GALNT9: variants seen among roughly 807,000 people sequenced by gnomAD.
GALNT9 encodes polypeptide N-acetylgalactosaminyltransferase 9, also known as GalNAc transferase 9.
GALNT9 carries 47 observed loss-of-function variants against 63.1 expected under a neutral mutation model. That is an observed-to-expected ratio of 0.75 (90% confidence interval 0.59 to 0.95). The LOEUF (loss-of-function observed/expected upper bound fraction) is 0.95. Ranked by LOEUF, GALNT9 falls within the 40% of genes least tolerant of loss-of-function variation. The pLI is 0.00. For synonymous variants in GALNT9, 396 were observed against 365.7 expected, an observed-to-expected ratio of 1.08 and a Z score of -0.94; for missense variants, 829 against 874.8, an observed-to-expected ratio of 0.95 and a Z score of 0.66.
chr12:132,201,075 A>G, intron 8 of GALNT9, 49 bp downstream of exon 8: 3 of 1,578,816 alleles, frequency 1.9e-6, no homozygotes, highest in Non-Finnish European at 2.6e-6. Context: ...TGCAGGAGTC[A>G]GGGCAGAAAG....
At chr12:132,226,004 C>T (rs1243697351) in intron 6 of GALNT9, among the ~76,000 whole-genome samples, 127 of 144,700 alleles carry the variant, frequency 8.8e-4, no homozygotes, top group African/African-American at 3.1e-3. Context: ...ACCCCACACA[C>T]CCCACATTGT....
At chr12:132,306,040 A>G (rs1354841246) in intron 1 of GALNT9, among the ~76,000 whole-genome samples, 2 of 152,140 alleles carry the variant, frequency 1.3e-5, no homozygotes, top group African/African-American at 4.8e-5. Context: ...GACTCAAGAC[A>G]GTGGCTCCCG....
At chr12:132,314,326 A>G (rs1868405177) in intron 1 of GALNT9, among the ~76,000 whole-genome samples, 1 of 151,782 alleles carries the variant, frequency 6.6e-6, no homozygotes, top group African/African-American at 2.4e-5. Flanking sequence ...ATCCTGCCCC[A>G]CTTGAACTCT....
At chr12:132,205,234 G>GCCCAC (rs1264834820) in intron 6 of GALNT9, 4 of 151,928 alleles carry the variant, frequency 2.6e-5, no homozygotes, top group Admixed American at 6.6e-5. Flanking sequence ...TGTCAGCCCA[G>GCCCAC]CCCACCCCAG....
At chr12:132,326,021 C>T (rs1428918708) in intron 1 of GALNT9, among the ~76,000 whole-genome samples, 1 of 152,254 alleles carries the variant, frequency 6.6e-6, no homozygotes, top group South Asian at 2.1e-4. Flanking sequence ...CATGCCTTAG[C>T]GCTGCCCAGG....
Position 132,238,518 on chromosome 12 carries a change from T to A in GALNT9, c.1077+9392A>T, listed in dbSNP as rs1878088047. Among the ~76,000 whole-genome samples the A allele has an allele frequency of 6.6e-6, 1 of 152,110 alleles. No homozygotes were observed. The highest frequency in any genetic ancestry group is 1.5e-5 in the Non-Finnish European group (1 of 68,000). On this transcript the variant is annotated intron_variant, in intron 6 of 10. Coordinates refer to ENST00000328957, the MANE Select transcript of GALNT9 (RefSeq NM_001122636.2). The surrounding 1 kb of genome is among the most constrained non-coding windows in gnomAD (Gnocchi z 6.5). ...GCCAGAGAGACCACGGTTTTGCAGA[T>A]GCCCAGGACAGGCCAGAGGGCGGGG...
intron 1 of GALNT9, among the ~76,000 whole-genome samples, chr12:132,300,924 G>T (rs1459198859): frequency 2.0e-5 from 3 of 152,254 alleles, no homozygotes; most frequent in African/African-American, 7.2e-5. Context: ...AGCCCCTGCA[G>T]ACCTCTCTCA....
chr12:132,259,324 C>T (rs1879274123), intron 4 of GALNT9, among the ~76,000 whole-genome samples: 1 of 152,244 alleles, frequency 6.6e-6, no homozygotes, highest in East Asian at 1.9e-4. Context: ...GCTTACCCGG[C>T]ATCAGAGGGA....
chr12:132,290,867 C>T (rs560780923), intron 1 of GALNT9, among the ~76,000 whole-genome samples: 1 of 47,834 alleles, frequency 2.1e-5, no homozygotes, highest in African/African-American at 1.2e-4. Flanking sequence ...ACAACCACAG[C>T]GCCCACGTCC....
chr12:132,201,023 T>G (rs866681044), intron 8 of GALNT9, 101 bp downstream of exon 8: 2 of 1,178,540 alleles, frequency 1.7e-6, no homozygotes, highest in East Asian at 2.4e-5. Flanking sequence ...TACCTCTCCG[T>G]GTGCATGTGG....
chr12:132,228,309 C>T (rs1397114085), intron 6 of GALNT9, among the ~76,000 whole-genome samples: 2 of 152,044 alleles, frequency 1.3e-5, no homozygotes, highest in African/African-American at 2.4e-5. Context: ...CCCGGCACTC[C>T]CTTTCCCTGA....
At chr12:132,226,445 CCA>C (rs1275401310) in intron 6 of GALNT9, among the ~76,000 whole-genome samples, 31 of 149,286 alleles carry the variant, frequency 2.1e-4, no homozygotes, top group Admixed American at 9.4e-4. Context: ...CAGACATATC[CCA>C]CACACATACA....
intron 6 of GALNT9, among the ~76,000 whole-genome samples, chr12:132,219,671 G>T (rs1209217437): frequency 2.0e-5 from 3 of 152,044 alleles, no homozygotes; most frequent in African/African-American, 7.2e-5. Context: ...AAGGGGAAGG[G>T]GCACCTCCCC....
intron 2 of GALNT9, among the ~76,000 whole-genome samples, chr12:132,281,174 C>G (rs1442468164): frequency 6.6e-6 from 1 of 152,254 alleles, no homozygotes; most frequent in Non-Finnish European, 1.5e-5. Flanking sequence ...AAAGTGGTTC[C>G]TGGGAAGATG....
intron 1 of GALNT9, among the ~76,000 whole-genome samples, chr12:132,289,801 C>T (rs551411174): frequency 1.4e-4 from 21 of 152,342 alleles, no homozygotes; most frequent in African/African-American, 3.4e-4. Flanking sequence ...CTGGTCCAGA[C>T]GCTGCTGCCC....
At chr12:132,302,579 G>C (rs1479620382) in intron 1 of GALNT9, among the ~76,000 whole-genome samples, 1 of 152,214 alleles carries the variant, frequency 6.6e-6, no homozygotes, top group Non-Finnish European at 1.5e-5. Context: ...GGCAGGTCCA[G>C]GTGGCCCTGG....
At chr12:132,223,214 CCG>C (rs1877542751) in intron 6 of GALNT9, among the ~76,000 whole-genome samples, 1 of 113,004 alleles carries the variant, frequency 8.8e-6, no homozygotes, top group African/African-American at 3.7e-5. Flanking sequence ...CCTACACAAC[CCG>C]CACCCCAGAC....
At chr12:132,267,028 G>A (rs1879626344) in intron 2 of GALNT9, among the ~76,000 whole-genome samples, 1 of 152,232 alleles carries the variant, frequency 6.6e-6, no homozygotes, top group South Asian at 2.1e-4. Context: ...AGCCCGAGGT[G>A]TGATCCGCGT....
chr12:132,259,749 G>A (rs895214348), intron 4 of GALNT9, among the ~76,000 whole-genome samples: 10 of 152,336 alleles, frequency 6.6e-5, no homozygotes, highest in South Asian at 2.1e-4. Context: ...CCCAGCCTCC[G>A]TGTAACACTG....
Sources: allele counts gnomAD v4.1 joint callset (sites outside exome capture counted in the v4.1 genomes callset), GRCh38; gene constraint gnomAD v4.1.1; non-coding constraint Gnocchi (gnomAD v3.1); transcripts MANE v1.5; gene names NCBI Gene and HGNC (gene_info 2026-07-23, HGNC 2026-07-21).